PDGFC: variants seen among roughly 807,000 people sequenced by gnomAD.
PDGFC encodes platelet derived growth factor C, also known as platelet-derived growth factor C.
PDGFC carries 12 observed loss-of-function variants against 35.5 expected under a neutral mutation model. That is an observed-to-expected ratio of 0.34 (90% confidence interval 0.22 to 0.55). The LOEUF is 0.55. PDGFC is among the 20% of genes least tolerant of loss of function. The probability of loss-of-function intolerance (pLI) is 0.91; values close to 1 mark genes in which losing one functional copy is unlikely to be tolerated. For missense variants in PDGFC, 322 were observed against 412.4 expected, an observed-to-expected ratio of 0.78 and a Z score of 1.90; for synonymous variants, 159 against 148.8, an observed-to-expected ratio of 1.07 and a Z score of -0.50.
intron 3 of PDGFC, among the ~76,000 whole-genome samples, chr4:156,801,398 A>C (rs2110915094): frequency 6.6e-6 from 1 of 152,292 alleles, no homozygotes; most frequent in South Asian, 2.1e-4. Context: ...CTGTCTTGAT[A>C]AATCAGCTGT....
intron 2 of PDGFC, among the ~76,000 whole-genome samples, chr4:156,824,323 T>TACAC (rs747886695): frequency 0.012 from 1,124 of 95,742 alleles, 33 homozygotes; most frequent in African/African-American, 0.033. Context: ...TATATATATA[T>TACAC]ATATACACAC....
At chr4:156,881,438 A>G (rs1187625541) in intron 1 of PDGFC, among the ~76,000 whole-genome samples, 3 of 152,130 alleles carry the variant, frequency 2.0e-5, no homozygotes, top group Admixed American at 6.5e-5. Context: ...TCCCACCCAA[A>G]TCTCATCTTG....
chr4:156,799,464 T>C (rs1731537893), intron 3 of PDGFC, among the ~76,000 whole-genome samples: 1 of 152,220 alleles, frequency 6.6e-6, no homozygotes, highest in African/African-American at 2.4e-5. Context: ...GGAGTGCCTA[T>C]ATTTCAAATA....
chr4:156,861,578 G>T (rs568185244), intron 1 of PDGFC: 3 of 424,452 alleles, frequency 7.1e-6, no homozygotes, highest in Non-Finnish European at 8.6e-6. Context: ...TTCAGATTTT[G>T]GAAGTTAAAA....
At chr4:156,925,137 G>A (rs1000352904) in intron 1 of PDGFC, among the ~76,000 whole-genome samples, 8 of 152,210 alleles carry the variant, frequency 5.3e-5, no homozygotes, top group African/African-American at 1.9e-4. Flanking sequence ...GGAGCTCCAT[G>A]TGTTTTCAGG....
At chr4:156,933,035 G>T (rs199929747) in intron 1 of PDGFC, among the ~76,000 whole-genome samples, 1 of 152,112 alleles carries the variant, frequency 6.6e-6, no homozygotes, top group African/African-American at 2.4e-5. Flanking sequence ...AGTCTCTGCC[G>T]CTCCCTACCT....
chr4:156,950,946 T>C (rs1579121113), intron 1 of PDGFC, among the ~76,000 whole-genome samples: 1 of 151,894 alleles, frequency 6.6e-6, no homozygotes, highest in Admixed American at 6.6e-5. Flanking sequence ...TCAGAGTAAC[T>C]ACCAAGCCCT....
At chr4:156,791,618 A>G (rs1175743443) in intron 3 of PDGFC, among the ~76,000 whole-genome samples, 1 of 152,222 alleles carries the variant, frequency 6.6e-6, no homozygotes, top group Non-Finnish European at 1.5e-5. Context: ...AACTGGGGGA[A>G]TATCTGCTAA....
chr4:156,907,691 A>G (rs974701304), intron 1 of PDGFC, among the ~76,000 whole-genome samples: 3 of 152,086 alleles, frequency 2.0e-5, no homozygotes, highest in Non-Finnish European at 4.4e-5. Context: ...GGTTACCTAT[A>G]AGCAGGCATG....
intron 2 of PDGFC, among the ~76,000 whole-genome samples, chr4:156,839,385 C>T (rs1448954519): frequency 1.3e-5 from 2 of 152,196 alleles, no homozygotes. Context: ...GCACTTCTTC[C>T]TGCCCCCATG....
At chr4:156,764,765 T>C (rs571098513) in intron 5 of PDGFC, among the ~76,000 whole-genome samples, 3 of 152,330 alleles carry the variant, frequency 2.0e-5, no homozygotes, top group African/African-American at 7.2e-5. Context: ...TTTGAAAAAT[T>C]TAGTGTGTCA....
At chr4:156,895,582 A>G (rs1171775365) in intron 1 of PDGFC, among the ~76,000 whole-genome samples, 1 of 151,760 alleles carries the variant, frequency 6.6e-6, no homozygotes, top group Non-Finnish European at 1.5e-5. Flanking sequence ...CAGTAAGCTG[A>G]GATCGTGCCA....
chr4:156,845,627 T>C (rs1729308100), intron 2 of PDGFC, among the ~76,000 whole-genome samples: 1 of 151,902 alleles, frequency 6.6e-6, no homozygotes, highest in Non-Finnish European at 1.5e-5. Context: ...AGTGGAAGTT[T>C]AATGGAGTTC....
chr4:156,867,696 G>A (rs548912904), intron 1 of PDGFC, among the ~76,000 whole-genome samples: 9 of 152,152 alleles, frequency 5.9e-5, no homozygotes, highest in East Asian at 1.9e-4. Flanking sequence ...GTGACTTATC[G>A]CTCCTGCTGT....
chr4:156,769,520 T>A (rs1730634449), intron 4 of PDGFC, among the ~76,000 whole-genome samples: 1 of 151,976 alleles, frequency 6.6e-6, no homozygotes, highest in East Asian at 1.9e-4. Flanking sequence ...GAAATCCCAA[T>A]TCAATGAGTC....
intron 1 of PDGFC, among the ~76,000 whole-genome samples, chr4:156,943,313 C>T (rs141569079): frequency 6.6e-5 from 10 of 152,184 alleles, no homozygotes; most frequent in Non-Finnish European, 7.4e-5. Flanking sequence ...TGATATTATT[C>T]GCTCTAAATT....
chr4:156,902,220 G>C (rs1237319006), intron 1 of PDGFC, among the ~76,000 whole-genome samples: 1 of 152,112 alleles, frequency 6.6e-6, no homozygotes, highest in Non-Finnish European at 1.5e-5. Context: ...AAATATATTT[G>C]TGATTTTTGT....
At chr4:156,787,543 G>A (rs547386976) in intron 3 of PDGFC, among the ~76,000 whole-genome samples, 4 of 152,162 alleles carry the variant, frequency 2.6e-5, no homozygotes, top group African/African-American at 7.2e-5. Context: ...ATGCGTGGTA[G>A]CTGGATGACG....
At chr4:156,872,627 C>T (rs1014138845) in intron 1 of PDGFC, among the ~76,000 whole-genome samples, 2 of 152,174 alleles carry the variant, frequency 1.3e-5, no homozygotes, top group South Asian at 4.1e-4. Flanking sequence ...ATCTCTTTAA[C>T]TAGATTAGAA....
Sources: gnomAD v4.1 joint callset for allele counts (sites outside exome capture counted in the v4.1 genomes callset) on GRCh38, gnomAD v4.1.1 for gene constraint, MANE v1.5 for transcripts, NCBI Gene and HGNC (gene_info 2026-07-23, HGNC 2026-07-21) for gene names.